The following TRIM9 variants were observed in gnomAD, a reference collection of about 807,000 sequenced individuals.
TRIM9 encodes tripartite motif containing 9, also known as E3 ubiquitin-protein ligase TRIM9.
In TRIM9, 26 loss-of-function variants were observed where a neutral mutation model predicts 78.3. The observed-to-expected ratio is 0.33, with a 90% confidence interval of 0.24 to 0.46. TRIM9 has a LOEUF of 0.46. TRIM9 is among the 20% of genes least tolerant of loss of function. TRIM9 has a pLI of 1.00. For synonymous variants in TRIM9, 398 were observed against 416.5 expected (o/e 0.96, Z 0.54); for missense variants, 787 against 1,036.4 (o/e 0.76, Z 3.30).
intron 1 of TRIM9, among the ~76,000 whole-genome samples, chr14:51,074,105 C>T (rs116384955): frequency 0.012 from 1,858 of 152,094 alleles, 41 homozygotes; most frequent in African/African-American, 0.041. Context: ...ATCATAACAA[C>T]GAAACCAAAC....
chr14:50,986,997 CCTTT>C (rs1337207037), intron 7 of TRIM9, among the ~76,000 whole-genome samples: 2 of 152,124 alleles, frequency 1.3e-5, no homozygotes, highest in African/African-American at 4.8e-5. Flanking sequence ...TAAAATTGGT[CCTTT>C]CTATTTTGTC....
chr14:51,025,208 G>A (rs541502585), intron 2 of TRIM9, 57 bp downstream of exon 2: 38 of 1,448,916 alleles, frequency 2.6e-5, no homozygotes, highest in African/African-American at 1.3e-4. Context: ...AAACTCTCCC[G>A]CCACACAGTT....
Position 51,094,914 on chromosome 14 carries a change from T to G in TRIM9, c.26A>C (p.Lys9Thr). 1 of 1,502,876 alleles carries G rather than the reference T, an allele frequency of 6.7e-7. No homozygotes were observed. Among genetic ancestry groups the G allele is most frequent in the Non-Finnish European group, 8.9e-7 (1 of 1,126,802 alleles). 93.1% of individuals were successfully genotyped at this position (1,502,876 alleles called of 1,614,324 possible). The change falls in exon 1 of 13, where the codon AAA becomes ACA. Residue 9 changes from lysine to threonine, a missense_variant. Around this residue, in one of 3 missense-constraint regions of TRIM9, gnomAD observed 352 missense variants for 472.3 expected, o/e 0.75. Coordinates refer to ENST00000684578, the MANE Select transcript of TRIM9 (RefSeq NM_001387360.1). ...ATAGAAGGAGCCGCACACGGGGCAT[T>G]TCAACTCCTCTTCCATCTCCTCCAT... is the stretch of plus-strand genomic sequence containing the variant. MEEMEEELKCPVCGSFYRE... is the reference protein window; with the variant it reads MEEMEEELTCPVCGSFYRE...
intron 7 of TRIM9, chr14:50,997,731 T>C (rs2054406743): frequency 3.2e-6 from 4 of 1,264,244 alleles, no homozygotes; most frequent in Admixed American, 3.3e-5. Context: ...AGAGCCTAGA[T>C]ACATTTGTCT....
At chr14:51,046,272 G>A (rs987911733) in intron 1 of TRIM9, among the ~76,000 whole-genome samples, 1 of 152,138 alleles carries the variant, frequency 6.6e-6, no homozygotes, top group Non-Finnish European at 1.5e-5. Flanking sequence ...TCTTGACTGT[G>A]TGGTGACTAC....
At chr14:50,989,240 T>C (rs1174362810) in intron 7 of TRIM9, among the ~76,000 whole-genome samples, 2 of 152,194 alleles carry the variant, frequency 1.3e-5, no homozygotes, top group South Asian at 2.1e-4. Context: ...TATGACAACA[T>C]TGAGAACAGT....
intron 8 of TRIM9, among the ~76,000 whole-genome samples, chr14:50,985,135 A>G (rs1387164412): frequency 1.3e-5 from 2 of 152,226 alleles, no homozygotes; most frequent in Non-Finnish European, 2.9e-5. Flanking sequence ...TGCATCTTAT[A>G]TATTTTAACA....
At chr14:51,059,236 C>T (rs2061140093) in intron 1 of TRIM9, among the ~76,000 whole-genome samples, 1 of 152,204 alleles carries the variant, frequency 6.6e-6, no homozygotes, top group African/African-American at 2.4e-5. Flanking sequence ...ACTTCAATAA[C>T]TTTCCCTCAT....
At chr14:51,004,164 T>G (rs1254236735) in intron 5 of TRIM9, among the ~76,000 whole-genome samples, 1 of 152,196 alleles carries the variant, frequency 6.6e-6, no homozygotes, top group Non-Finnish European at 1.5e-5. Context: ...TGGGGCAGCT[T>G]TTGTTTTTTC....
chr14:51,073,841 T>C (rs995425846), intron 1 of TRIM9, among the ~76,000 whole-genome samples: 3 of 152,190 alleles, frequency 2.0e-5, no homozygotes, highest in Admixed American at 1.3e-4. Context: ...GCTTACATCA[T>C]TTTAGAGATA....
At chr14:51,035,295 C>A (rs80087134) in intron 1 of TRIM9, among the ~76,000 whole-genome samples, 1,909 of 152,080 alleles carry the variant, frequency 0.013, 19 homozygotes, top group Non-Finnish European at 0.02. Flanking sequence ...AATAAAAAGT[C>A]ATTTCTTAAA....
At position 51,094,993 on chromosome 14, in the gene TRIM9, G is replaced by A. The variant is rs980226797; in HGVS notation, c.-54C>T. On this transcript the variant is annotated 5_prime_UTR_variant, in exon 1 of 13. Coordinates refer to ENST00000684578, the MANE Select transcript of TRIM9 (RefSeq NM_001387360.1). ...GGCTGCAGCGGGTGCCTGAGCTGGC[G>A]AGGTGGCCGACGGGCCCGTCTTGTC... 2.3e-6 allele frequency: 3 copies of A among 1,327,248 alleles called. No individual in the cohort carries two copies. The highest frequency in any genetic ancestry group is 2.9e-6 in the Non-Finnish European group (3 of 1,024,132). The allele number at this position is 1,327,248 out of a possible 1,614,324, so 82.2% of individuals were successfully genotyped here. A position where few individuals can be genotyped will look rare whatever the true frequency, so the allele number is the denominator to read the frequency against.
chr14:51,051,157 G>C (rs1431345874), intron 1 of TRIM9, among the ~76,000 whole-genome samples: 1 of 152,110 alleles, frequency 6.6e-6, no homozygotes, highest in Non-Finnish European at 1.5e-5. Context: ...CATATGTTCT[G>C]GTTCACCAGT....
In TRIM9 at chr14:50,986,024, T is replaced by C. The variant is rs536644380; in HGVS notation, c.1724A>G (p.Tyr575Cys). The C allele has an allele frequency of 3.2e-6, 5 of 1,548,876 alleles. No homozygotes were observed. In the Admixed American group the frequency reaches 7.9e-5, roughly 24 times the overall value. ...GTGGGGTGAGGATCGGAAATCAAAGTAGGATCTCCCGGGGAAGCTGGGTTG... is the reference window on the plus strand; with the variant it reads ...GTGGGGTGAGGATCGGAAATCAAAGCAGGATCTCCCGGGGAAGCTGGGTTG... Reference protein sequence around the residue: ...NLQPSFPGRSYFDFRSSPHQL... With the variant: ...NLQPSFPGRSCFDFRSSPHQL... Residue 575 changes from tyrosine (Y) to cysteine (C), a missense_variant, in exon 8 of 13, where the codon TAC becomes TGC. This residue lies in a region of TRIM9 where 421 missense variants were observed against 514.3 expected (regional missense o/e 0.82). Coordinates refer to ENST00000684578, the MANE Select transcript of TRIM9 (RefSeq NM_001387360.1).
chr14:50,988,533 A>G (rs975596164), intron 7 of TRIM9, among the ~76,000 whole-genome samples: 1 of 150,000 alleles, frequency 6.7e-6, no homozygotes, highest in African/African-American at 2.5e-5. Flanking sequence ...TTTCACTCTA[A>G]TCAGGCAAGT....
chr14:51,007,351 C>CT (rs1432720446), intron 5 of TRIM9, among the ~76,000 whole-genome samples: 1 of 152,144 alleles, frequency 6.6e-6, no homozygotes, highest in Non-Finnish European at 1.5e-5. Flanking sequence ...ATTTTACAGG[C>CT]TACCACACTG....
chr14:51,026,332 G>A (rs2058228960), intron 1 of TRIM9, among the ~76,000 whole-genome samples: 1 of 152,132 alleles, frequency 6.6e-6, no homozygotes, highest in Non-Finnish European at 1.5e-5. Context: ...GAGCAGCTGA[G>A]TCAACACCTG....
At chr14:51,093,568 C>A (rs2064617906) in intron 1 of TRIM9, among the ~76,000 whole-genome samples, 1 of 152,232 alleles carries the variant, frequency 6.6e-6, no homozygotes, top group Non-Finnish European at 1.5e-5. Context: ...GCTCGAGAGC[C>A]AGGTCTGGCC....
chr14:51,074,269 T>C (rs375667432), intron 1 of TRIM9, among the ~76,000 whole-genome samples: 84 of 151,842 alleles, frequency 5.5e-4, no homozygotes, highest in African/African-American at 1.9e-3. Context: ...AAAAAAGTAA[T>C]GGAAAAAAAT....
Sources: allele counts gnomAD v4.1 joint callset (sites outside exome capture counted in the v4.1 genomes callset), GRCh38; gene constraint gnomAD v4.1.1; regional missense constraint gnomAD v4.1.1; transcripts MANE v1.5; gene names NCBI Gene and HGNC (gene_info 2026-07-23, HGNC 2026-07-21).